MRPL13: variants seen among roughly 807,000 people sequenced by gnomAD.
The protein encoded by MRPL13 is mitochondrial ribosomal protein L13, also known as large ribosomal subunit protein uL13m.
MRPL13 carries 33 observed loss-of-function variants against 29.0 expected under a neutral mutation model. The ratio of observed to expected loss-of-function variants is 1.14; its 90% CI spans 0.86 to 1.52. The LOEUF is 1.52. Among genes scored for constraint, MRPL13 ranks in the 40% most tolerant of loss-of-function variants. The pLI is 0.00. For synonymous variants in MRPL13, 77 were observed against 68.4 expected (o/e 1.13, Z -0.62); for missense variants, 227 against 216.7 (o/e 1.05, Z -0.30).
At position 120,403,471 on chromosome 8, in the gene MRPL13, C is replaced by T. The variant is rs536530812; in HGVS notation, c.516-7346G>A. Among the ~76,000 whole-genome samples the T allele has an allele frequency of 8.6e-5, 13 of 151,860 alleles. No individual in the cohort carries two copies. In the South Asian group the frequency reaches 2.3e-3, roughly 27 times the overall value. ...GGACACATGGGGTTGGGGGGAACAA[C>T]GCACAATGCAGCCTGTTAGGAGGGG... On this transcript the variant is annotated intron_variant, in intron 6 of 6. Transcript: ENST00000306185.
chr8:120,407,194 C>T (rs1248674666), intron 6 of MRPL13, among the ~76,000 whole-genome samples: 1 of 152,118 alleles, frequency 6.6e-6, no homozygotes, highest in Non-Finnish European at 1.5e-5. Flanking sequence ...TGACAGAAGT[C>T]AAAACATTTA....
At chr8:120,402,088 C>A (rs1812603965) in intron 6 of MRPL13, among the ~76,000 whole-genome samples, 1 of 152,122 alleles carries the variant, frequency 6.6e-6, no homozygotes, top group Non-Finnish European at 1.5e-5. Flanking sequence ...AAGTAATTTA[C>A]AGATTCAATG....
chr8:120,411,368 G>T (rs939573927), intron 6 of MRPL13, among the ~76,000 whole-genome samples: 1 of 152,092 alleles, frequency 6.6e-6, no homozygotes, highest in African/African-American at 2.4e-5. Flanking sequence ...ATGCCTGGCT[G>T]AGAGTTGTTT....
At chr8:120,400,733 T>TA (rs1467127503) in intron 6 of MRPL13, among the ~76,000 whole-genome samples, 6 of 136,782 alleles carry the variant, frequency 4.4e-5, no homozygotes, top group African/African-American at 1.8e-4. Context: ...AATAAATAAA[T>TA]AAATAAATAA....
At chr8:120,429,170 A>G (rs928849990) in intron 3 of MRPL13, among the ~76,000 whole-genome samples, 2 of 152,216 alleles carry the variant, frequency 1.3e-5, no homozygotes, top group Non-Finnish European at 2.9e-5. Context: ...TAGCCATAAA[A>G]AAAAGAACAA....
At chr8:120,413,079 A>G (rs1316682700) in intron 6 of MRPL13, among the ~76,000 whole-genome samples, 1 of 152,226 alleles carries the variant, frequency 6.6e-6, no homozygotes, top group Non-Finnish European at 1.5e-5. Flanking sequence ...ACAGACACAC[A>G]TATAAATGAG....
intron 6 of MRPL13, among the ~76,000 whole-genome samples, chr8:120,407,848 T>TA (rs1563771497): frequency 6.6e-6 from 1 of 152,050 alleles, no homozygotes; most frequent in Non-Finnish European, 1.5e-5. Flanking sequence ...TTTTCACTCT[T>TA]ACATAATATT....
chr8:120,416,319 C>T (rs1216106300), intron 5 of MRPL13, among the ~76,000 whole-genome samples: 4 of 152,104 alleles, frequency 2.6e-5, no homozygotes, highest in African/African-American at 7.2e-5. Context: ...ACGGTGAAAC[C>T]CCGTCTCTAC....
intron 6 of MRPL13, among the ~76,000 whole-genome samples, chr8:120,407,016 ACAC>A (rs1317225091): frequency 4.3e-4 from 65 of 152,330 alleles, no homozygotes; most frequent in African/African-American, 1.6e-3. Context: ...AGTTAAAATC[ACAC>A]CACATGCCAC....
At chr8:120,399,751 T>C (rs563915751) in intron 6 of MRPL13, among the ~76,000 whole-genome samples, 5 of 152,186 alleles carry the variant, frequency 3.3e-5, no homozygotes, top group African/African-American at 4.8e-5. Context: ...GGGACCCATC[T>C]CATGAACAAA....
At position 120,414,094 on chromosome 8, in the gene MRPL13, G is replaced by A. The variant is rs1812774119; in HGVS notation, c.412C>T (p.Leu138Phe). 1 of 1,581,534 alleles carries A rather than the reference G, an allele frequency of 6.3e-7. No individual in the cohort carries two copies. The change falls in exon 6 of 7, where the codon CTT becomes TTT. Residue 138 changes from leucine (L) to phenylalanine (F), a missense_variant. Leu to Phe is a conservative substitution (Grantham distance 22). Transcript: ENST00000306185. ...FPDEYIPEDILKNLVEELPQP... is the reference protein window; with the variant it reads ...FPDEYIPEDIFKNLVEELPQP... ...GGAAGCTCCTCTACTAAATTCTTAA[G>A]AATATCTTCTGGAATATACTACATT...
chr8:120,443,349 A>C, intron 1 of MRPL13, 41 bp from the exon 2 acceptor site: 2 of 1,461,244 alleles, frequency 1.4e-6, no homozygotes. Flanking sequence ...GAAAAAATAA[A>C]GATAATTATC....
chr8:120,405,805 C>T (rs1048311809), intron 6 of MRPL13, among the ~76,000 whole-genome samples: 7 of 151,948 alleles, frequency 4.6e-5, no homozygotes, highest in Admixed American at 1.3e-4. Context: ...GCTTACATAC[C>T]CTATTTTGTG....
intron 4 of MRPL13, 151 bp from the exon 5 acceptor site, chr8:120,420,089 G>T: frequency 2.4e-6 from 1 of 423,460 alleles, no homozygotes; most frequent in Non-Finnish European, 4.1e-6. Flanking sequence ...GGAAGCAACA[G>T]AAAAGAAACT....
intron 3 of MRPL13, among the ~76,000 whole-genome samples, chr8:120,427,143 C>A (rs1230563879): frequency 6.6e-6 from 1 of 151,794 alleles, no homozygotes; most frequent in Admixed American, 6.6e-5. Context: ...AAGTAAAAAA[C>A]AAAAGTGGAT....
chr8:120,438,252 T>C lies in MRPL13; in HGVS notation c.151+4933A>G, dbSNP rs537828489. On this transcript the variant is annotated intron_variant, in intron 2 of 6. Coordinates refer to ENST00000306185, the MANE Select transcript of MRPL13 (RefSeq NM_014078.6). ...GATGGTACACGCCTATAGTCCCAGC[T>C]ACCTGGGAGGCTCAGAAGGTGGAGG... 3.9e-5 allele frequency among the ~76,000 whole-genome samples: 6 copies of C among 152,278 alleles called. No homozygotes were observed. In the South Asian group the frequency reaches 1.2e-3, roughly 32 times the overall value.
rs143209087 is a variant in MRPL13 at position 120,398,887 on chromosome 8, G to C, written c.516-2762C>G. 7.9e-5 allele frequency among the ~76,000 whole-genome samples: 12 copies of C among 151,808 alleles called. 1 individual carries two copies. In the East Asian group the frequency reaches 2.3e-3, roughly 29 times the overall value. On this transcript the variant is annotated intron_variant, in intron 6 of 6. Coordinates refer to ENST00000306185, the MANE Select transcript of MRPL13 (RefSeq NM_014078.6). ...AAGTATTAATAGCAGAATAGACCAAGTATCTTTCTCAAATAAGACAGGCAG... is the reference window on the plus strand; with the variant it reads ...AAGTATTAATAGCAGAATAGACCAACTATCTTTCTCAAATAAGACAGGCAG...
intron 3 of MRPL13, among the ~76,000 whole-genome samples, chr8:120,426,026 A>C (rs1812928333): frequency 6.6e-6 from 1 of 152,088 alleles, no homozygotes; most frequent in African/African-American, 2.4e-5. Context: ...CTCCCAGTGT[A>C]ATATCAGGCA....
rs368611028 is a variant in MRPL13, at chr8:120,398,115, G to A, written c.516-1990C>T. ...TCCGGATGGGGATGGGATCCCCACAGTGCAGCACACCTACTCTACCAAAAA... is the reference window on the plus strand; with the variant it reads ...TCCGGATGGGGATGGGATCCCCACAATGCAGCACACCTACTCTACCAAAAA... On this transcript the variant is annotated intron_variant, in intron 6 of 6. Transcript: ENST00000306185. 8.0e-4 allele frequency among the ~76,000 whole-genome samples: 122 copies of A among 152,322 alleles called. 1 individual carries two copies. The highest frequency in any genetic ancestry group is 2.8e-3 in the African/African-American group (115 of 41,582).
Sources: allele counts gnomAD v4.1 joint callset (sites outside exome capture counted in the v4.1 genomes callset), GRCh38; gene constraint gnomAD v4.1.1; transcripts MANE v1.5; gene names NCBI Gene and HGNC (gene_info 2026-07-23, HGNC 2026-07-21).